FNTA: variants seen among roughly 807,000 people sequenced by gnomAD.
FNTA encodes protein farnesyltransferase/geranylgeranyltransferase type-1 subunit alpha.
Under a neutral mutation model 55.2 loss-of-function variants are expected in FNTA, and 27 were observed. The ratio of observed to expected loss-of-function variants is 0.49; its 90% CI spans 0.36 to 0.67. The LOEUF (loss-of-function observed/expected upper bound fraction) is 0.67, where lower values mean the gene tolerates loss of function less well. Among genes scored for constraint, FNTA ranks in the 30% least tolerant of loss-of-function variants. FNTA has a pLI of 0.00. For synonymous variants in FNTA, 176 were observed against 170.7 expected, an observed-to-expected ratio of 1.03 and a Z score of -0.24; for missense variants, 422 against 464.7, an observed-to-expected ratio of 0.91 and a Z score of 0.85.
chr8:43,083,037 C>T, intron 6 of FNTA, 81 bp from the exon 7 acceptor site: 2 of 803,656 alleles, frequency 2.5e-6, no homozygotes, highest in South Asian at 3.3e-5. Context: ...CAGAGCAAGA[C>T]TCCGTTTCAG....
At chr8:43,070,839 C>T (rs916853482) in intron 4 of FNTA, among the ~76,000 whole-genome samples, 3 of 152,172 alleles carry the variant, frequency 2.0e-5, no homozygotes, top group South Asian at 2.1e-4. Flanking sequence ...TCCTTAAATC[C>T]GAGAACATCA....
rs765636803 is a variant in FNTA, at chr8:43,064,125, G to A, written c.311G>A (p.Arg104Gln). ...DKFRDVYDYF[R>Q]AVLQRDERSE... Reference sequence around the variant, plus strand: ...GTTAGAGATGTTTATGATTACTTCCGAGCTGTCCTGCAGCGTGATGAAAGA... The same window carrying A: ...GTTAGAGATGTTTATGATTACTTCCAAGCTGTCCTGCAGCGTGATGAAAGA... Residue 104 changes from arginine (R) to glutamine (Q), a missense_variant, in exon 3 of 9, where the codon CGA becomes CAA. Arg to Gln is a conservative substitution (Grantham distance 43, BLOSUM62 1). Coordinates refer to ENST00000302279, the MANE Select transcript of FNTA (RefSeq NM_002027.3). 1 of 1,613,330 alleles carries A rather than the reference G, an allele frequency of 6.2e-7. No individual in the cohort carries two copies. Among genetic ancestry groups the A allele is most frequent in the Admixed American group, 1.7e-5 (1 of 59,988 alleles).
chr8:43,076,932 T>G (rs1810925391), intron 5 of FNTA: 1 of 248,988 alleles, frequency 4.0e-6, no homozygotes, highest in Non-Finnish European at 7.6e-6. Flanking sequence ...ATATCTATAC[T>G]GTGGTCACTC....
chr8:43,056,352 G>A lies in FNTA; in HGVS notation c.6G>A (p.Ala2=). Residue 2 remains alanine, a synonymous_variant, in exon 1 of 9, where the codon GCG becomes GCA. Coordinates refer to ENST00000302279, the MANE Select transcript of FNTA (RefSeq NM_002027.3). ...CAGCTGCGGACCGAGGCGAGATGGCGGCCACCGAGGGGGTCGGGGAGGCTG... is the reference window on the plus strand; with the variant it reads ...CAGCTGCGGACCGAGGCGAGATGGCAGCCACCGAGGGGGTCGGGGAGGCTG... M[A]ATEGVGEAAQ... is the part of the protein sequence containing the mutation. The A allele has an allele frequency of 7.1e-7, 1 of 1,417,374 alleles. No homozygotes were observed. Among genetic ancestry groups the A allele is most frequent in the Non-Finnish European group, 9.1e-7 (1 of 1,093,266 alleles). 87.8% of individuals were successfully genotyped at this position (1,417,374 alleles called of 1,614,324 possible). A position where few individuals can be genotyped will look rare whatever the true frequency, so the allele number is the denominator to read the frequency against.
rs189976058 is a variant in FNTA at position 43,058,457 on chromosome 8, G to C, written c.201-635G>C. ...TCAAAGAATCTTACTAGACCAATGAGTTAGATTGATTTCTAAGTTAAAAAT... is the reference window on the plus strand; with the variant it reads ...TCAAAGAATCTTACTAGACCAATGACTTAGATTGATTTCTAAGTTAAAAAT... On this transcript the variant is annotated intron_variant, in intron 1 of 8. Coordinates refer to ENST00000302279, the MANE Select transcript of FNTA (RefSeq NM_002027.3). Among the ~76,000 whole-genome samples, 130 of 152,300 alleles carry C rather than the reference G, an allele frequency of 8.5e-4. 1 individual carries two copies. Among genetic ancestry groups the C allele is most frequent in the Middle Eastern group, 3.4e-3 (1 of 294 alleles).
chr8:43,085,008 G>T (rs1243492895), intron 8 of FNTA, 127 bp downstream of exon 8: 1 of 1,149,626 alleles, frequency 8.7e-7, no homozygotes, highest in Middle Eastern at 2.1e-4. Flanking sequence ...TTCTGGTTAG[G>T]GGCAGCATTG....
chr8:43,064,414 G>A (rs1195717406), intron 3 of FNTA, among the ~76,000 whole-genome samples, 199 bp downstream of exon 3: 1 of 151,702 alleles, frequency 6.6e-6, no homozygotes, highest in Non-Finnish European at 1.5e-5. Context: ...CTGGGTTCAA[G>A]TGATTCTCCT....
chr8:43,082,243 A>ATC (rs1811039941), intron 6 of FNTA: 1 of 152,264 alleles, frequency 6.6e-6, no homozygotes. Context: ...TTTAAGGGGA[A>ATC]GATAAAGGTA....
intron 4 of FNTA, among the ~76,000 whole-genome samples, chr8:43,071,746 T>C (rs1305501675): frequency 6.6e-6 from 1 of 151,860 alleles, no homozygotes; most frequent in African/African-American, 2.4e-5. Context: ...TTGCAACTTG[T>C]CATAGCTACT....
At chr8:43,061,198 C>A (rs144581479) in intron 2 of FNTA, among the ~76,000 whole-genome samples, 204 of 152,290 alleles carry the variant, frequency 1.3e-3, no homozygotes, top group African/African-American at 4.8e-3. Context: ...CTGGAAAATG[C>A]ACTTATCTTA....
chr8:43,085,164 G>A lies in FNTA; in HGVS notation c.1022G>A (p.Cys341Tyr). Residue 341 changes from cysteine to tyrosine, a missense_variant, in exon 9 of 9, where the codon TGT becomes TAT. By Grantham distance (194) the Cys-to-Tyr change is radical (BLOSUM62 -2). This residue lies in a region of FNTA where 262 missense variants were observed against 343.1 expected (regional missense o/e 0.76). Coordinates refer to ENST00000302279, the MANE Select transcript of FNTA (RefSeq NM_002027.3). ...EDILNKALELCEILAKEKDTI... is the reference protein window; with the variant it reads ...EDILNKALELYEILAKEKDTI... ...ATTTTTATTTTTCATTTTCAGTTAT[G>A]TGAAATCCTAGCTAAAGAAAAGGAC... The A allele has an allele frequency of 6.5e-7, 1 of 1,535,800 alleles. No individual in the cohort carries two copies. Among genetic ancestry groups the A allele is most frequent in the South Asian group, 1.2e-5 (1 of 83,632 alleles).
chr8:43,060,654 G>A (rs1209867611), intron 2 of FNTA, among the ~76,000 whole-genome samples: 6 of 144,946 alleles, frequency 4.1e-5, no homozygotes, highest in African/African-American at 1.6e-4. Context: ...TAGTCTGGAC[G>A]ACAAGAGCAA....
chr8:43,083,121 C>T lies in FNTA; in HGVS notation c.786C>T (p.Tyr262=). The T allele has an allele frequency of 6.5e-7, 1 of 1,544,868 alleles. No homozygotes were observed. The highest frequency in any genetic ancestry group is 8.8e-7 in the Non-Finnish European group (1 of 1,131,524). Residue 262 remains tyrosine (Y), a synonymous_variant, in exon 7 of 9, where the codon TAC becomes TAT. Transcript: ENST00000302279. The stretch of plus-strand genomic sequence containing the variant: ...TATATATATATTTTTCTTGCAGATA[C>T]ACTCTGGAAATGATTAAACTAGTAC... ...DRAVLEREVQ[Y]TLEMIKLVPH... is the part of the protein sequence containing the mutation.
chr8:43,069,454 A>C, intron 3 of FNTA, 101 bp from the exon 4 acceptor site: 1 of 739,922 alleles, frequency 1.4e-6, no homozygotes, highest in Non-Finnish European at 2.4e-6. Context: ...ACCTGCCAAA[A>C]ATTTGTCTAA....
chr8:43,066,433 A>G lies in FNTA; in HGVS notation c.401+2218A>G, dbSNP rs578081300. 1.6e-4 allele frequency among the ~76,000 whole-genome samples: 24 copies of G among 149,852 alleles called. 2 individuals are homozygous for G. Among genetic ancestry groups the G allele is most frequent in the African/African-American group, 6.0e-4 (24 of 39,950 alleles). On this transcript the variant is annotated intron_variant, in intron 3 of 8. Coordinates refer to ENST00000302279, the MANE Select transcript of FNTA (RefSeq NM_002027.3). ...CACCACTCCCAGCTAATTTTTTTGT[A>G]TTTTTTTAGTAGAGATGGGGTTTCA... is the stretch of plus-strand genomic sequence containing the variant.
At chr8:43,072,159 C>G (rs779222145) in intron 4 of FNTA, 22 bp from the exon 5 acceptor site, 2 of 1,456,362 alleles carry the variant, frequency 1.4e-6, no homozygotes, top group Admixed American at 5.1e-5. Context: ...CAAAAAACTT[C>G]TCTCCCTTCT....
chr8:43,073,581 A>G (rs1183083037), intron 5 of FNTA: 2 of 152,208 alleles, frequency 1.3e-5, no homozygotes, highest in Non-Finnish European at 2.9e-5. Context: ...GCTCAACTGC[A>G]TAATTTGTGA....
intron 2 of FNTA, among the ~76,000 whole-genome samples, chr8:43,060,490 C>A (rs760778240): frequency 6.6e-6 from 1 of 152,028 alleles, no homozygotes; most frequent in South Asian, 2.1e-4. Flanking sequence ...GCCTGGCCAA[C>A]GTGGCGAAAC....
intron 3 of FNTA, 69 bp downstream of exon 3, chr8:43,064,284 A>T (rs1363968923): frequency 4.1e-6 from 4 of 982,068 alleles, no homozygotes; most frequent in Non-Finnish European, 6.3e-6. Context: ...CTTTTTTTAA[A>T]CTGTACTTTA....
Sources: allele counts gnomAD v4.1 joint callset (sites outside exome capture counted in the v4.1 genomes callset), GRCh38; gene constraint gnomAD v4.1.1; regional missense constraint gnomAD v4.1.1; transcripts MANE v1.5; gene names NCBI Gene and HGNC (gene_info 2026-07-23, HGNC 2026-07-21).